Variants in MYH6 observed in about 807,000 individuals in gnomAD.
MYH6 encodes the protein myosin-6.
MYH6 carries 126 observed loss-of-function variants against 223.2 expected under a neutral mutation model. The observed-to-expected ratio is 0.56, with a 90% CI of 0.49 to 0.65. MYH6 has a LOEUF of 0.65. MYH6 is among the 30% of genes least tolerant of loss of function. The probability of loss-of-function intolerance (pLI) is 0.00; values close to 1 mark genes in which losing one functional copy is unlikely to be tolerated. For synonymous variants in MYH6, 978 were observed against 1,010.2 expected (o/e 0.97, Z 0.61); for missense variants, 2,040 against 2,536.4 (o/e 0.80, Z 4.20).
chr14:23,403,559 C>A, intron 9 of MYH6, 113 bp from the exon 10 acceptor site: 1 of 1,172,228 alleles, frequency 8.5e-7, no homozygotes, highest in Admixed American at 1.7e-5. Flanking sequence ...TGAAGAGGGC[C>A]AGGCGAGAAG....
chr14:23,389,778 G>A lies in MYH6; in HGVS notation c.3733-59C>T, dbSNP rs28730769. The A allele has an allele frequency of 2.7e-3, 4,414 of 1,613,640 alleles. 129 individuals carry two copies. The African/African-American group carries it at 0.053, about 19-fold the overall frequency. ...GAGGGGCTGAGTCGACCAGAGGAAG[G>A]AAGAGAGGGTCAGAGATGGGGAATG... On this transcript the variant is annotated intron_variant, in intron 26 of 38. Transcript: ENST00000405093.
At position 23,393,408 on chromosome 14, in the gene MYH6, C is replaced by T. The variant is rs1891296600; in HGVS notation, c.3039G>A (p.Gln1013=). Residue 1013 remains glutamine, a synonymous_variant, in exon 23 of 39, where the codon CAG becomes CAA. Coordinates refer to ENST00000405093, the MANE Select transcript of MYH6 (RefSeq NM_002471.4). The part of the protein sequence containing the change: ...EAHQQALDDL[Q]VEEDKVNSLS... ...GGCTGTTGACCTTGTCTTCCTCAAC[C>T]TGAAGGTCATCCAGGGCCTGCTGAT... The T allele has an allele frequency of 1.9e-6, 3 of 1,614,080 alleles. No homozygotes were observed. Among genetic ancestry groups the T allele is most frequent in the Non-Finnish European group, 1.7e-6 (2 of 1,180,044 alleles).
intron 11 of MYH6, 28 bp downstream of exon 11, chr14:23,402,669 G>A (rs556772493): frequency 1.7e-5 from 28 of 1,613,476 alleles, no homozygotes; most frequent in South Asian, 1.5e-4. Flanking sequence ...GGGGTCCCTC[G>A]AACGGCCGCA....
rs863225267 is a variant in MYH6, at chr14:23,388,273, G to A, written c.4241C>T (p.Ser1414Phe). ...CCGGTGCTTGGTCTTCTCCAGTGAG[G>A]AGCACTTGGCATTAACAGCCTCCAC... ...EAVEAVNAKC[S>F]SLEKTKHRLQ... Residue 1414 changes from serine (S) to phenylalanine (F), a missense_variant, in exon 30 of 39, where the codon TCC (serine) becomes TTC (phenylalanine). Ser to Phe is a radical substitution (Grantham distance 155). Around this residue, in one of 4 missense-constraint regions of MYH6, gnomAD observed 1,203 missense variants for 1,400.2 expected, o/e 0.86. Transcript: ENST00000405093. 8 of 1,613,142 alleles carry A rather than the reference G, an allele frequency of 5.0e-6. No individual in the cohort carries two copies. The highest frequency in any genetic ancestry group is 6.8e-6 in the Non-Finnish European group (8 of 1,180,030).
Position 23,386,341 on chromosome 14 carries a change from C to G in MYH6, c.4933G>C (p.Val1645Leu). 1.2e-6 allele frequency: 2 copies of G among 1,614,126 alleles called. No homozygotes were observed. Among genetic ancestry groups the G allele is most frequent in the Non-Finnish European group, 1.7e-6 (2 of 1,180,010 alleles). ...TTCAGCAAGCTCTGGAGGCTCTTGACTTGCTTCTGGGCCTCGGCAGCCATG... is the reference window on the plus strand; with the variant it reads ...TTCAGCAAGCTCTGGAGGCTCTTGAGTTGCTTCTGGGCCTCGGCAGCCATG... ...NRMAAEAQKQ[V>L]KSLQSLLKDT... Residue 1645 changes from valine (V) to leucine (L), a missense_variant, in exon 33 of 39, where the codon GTC becomes CTC. Physicochemically the swap from Val to Leu is conservative, Grantham distance 32. Transcript: ENST00000405093.
At chr14:23,404,216 C>G (rs1458194890) in intron 8 of MYH6, 80 bp downstream of exon 8, 6 of 1,481,466 alleles carry the variant, frequency 4.1e-6, no homozygotes, top group Non-Finnish European at 5.7e-6. Flanking sequence ...ACAGTACAAT[C>G]AACTGGGTGT....
At chr14:23,393,576 A>T (rs574444606) in intron 22 of MYH6, 58 bp from the exon 23 acceptor site, 1 of 1,614,018 alleles carries the variant, frequency 6.2e-7, no homozygotes, top group Non-Finnish European at 8.5e-7. Context: ...GGAGACATCT[A>T]TGGGGACCTC....
intron 19 of MYH6, 99 bp downstream of exon 19, chr14:23,396,595 T>C (rs1891402830): frequency 1.2e-5 from 20 of 1,605,338 alleles, no homozygotes; most frequent in Non-Finnish European, 1.7e-5. Context: ...ATAAGGTTGA[T>C]AAGGAAGCCA....
At chr14:23,403,294 C>A in intron 10 of MYH6, 54 bp downstream of exon 10, 1 of 1,446,174 alleles carries the variant, frequency 6.9e-7, no homozygotes, top group Non-Finnish European at 9.7e-7. Context: ...ATGCAGGAGT[C>A]GTTGGGGTGT....
At chr14:23,387,462 C>A in intron 32 of MYH6, 67 bp downstream of exon 32, 1 of 1,605,742 alleles carries the variant, frequency 6.2e-7, no homozygotes. Context: ...GGGTCACCCC[C>A]AGGTGAGGGA....
At position 23,392,607 on chromosome 14, in the gene MYH6, C is replaced by T. The variant is rs144957142; in HGVS notation, c.3297G>A (p.Glu1099=). Residue 1099 remains glutamate, a synonymous_variant, in exon 25 of 39, where the codon GAG becomes GAA. Transcript: ENST00000405093. ...TCTGTAGTTGAAGGGCCAGCACCTG[C>T]TCATCCTCAATCTTACTGTTCTGCT... ...INQQNSKIED[E]QVLALQLQKK... The T allele has an allele frequency of 1.7e-4, 270 of 1,607,288 alleles. 2 individuals carry two copies. The African/African-American group carries it at 2.9e-3, about 17-fold the overall frequency.
In MYH6 at chr14:23,407,104, G is replaced by A. The variant is rs775408594; in HGVS notation, c.120C>T (p.Pro40=). ...PFDIRTECFV[P]DDKEEFVKAK... Reference sequence around the variant, plus strand: ...CTTTGACAAACTCTTCCTTGTCATCGGGCACGAAGCACTCAGTGCGAATGT... The same window carrying A: ...CTTTGACAAACTCTTCCTTGTCATCAGGCACGAAGCACTCAGTGCGAATGT... The change falls in exon 3 of 39, where the codon CCC becomes CCT. Residue 40 remains proline, a synonymous_variant. Coordinates refer to ENST00000405093, the MANE Select transcript of MYH6 (RefSeq NM_002471.4). This position sits in a 1 kb window ranked among gnomAD's most constrained non-coding sequence, Gnocchi z 5.6. 8 of 1,614,074 alleles carry A rather than the reference G, an allele frequency of 5.0e-6. No individual in the cohort carries two copies. Among genetic ancestry groups the A allele is most frequent in the South Asian group, 4.4e-5 (4 of 91,080 alleles).
At chr14:23,389,923 G>A in intron 26 of MYH6, 134 bp downstream of exon 26, 5 of 1,564,692 alleles carry the variant, frequency 3.2e-6, no homozygotes, top group Non-Finnish European at 4.4e-6. Context: ...AGAGGGGCAG[G>A]GGAGACAGGA....
chr14:23,388,039 C>T (rs1192473525), intron 30 of MYH6, 116 bp from the exon 31 acceptor site: 28 of 1,606,524 alleles, frequency 1.7e-5, no homozygotes, highest in South Asian at 2.2e-5. Flanking sequence ...TCCCTGGTCC[C>T]GAGCCTGGGC....
In MYH6 at chr14:23,386,840, C is replaced by T. The variant is rs141610943; in HGVS notation, c.4651-217G>A. Among the ~76,000 whole-genome samples, 746 of 152,282 alleles carry T rather than the reference C, an allele frequency of 4.9e-3. 4 individuals carry two copies. Among genetic ancestry groups the T allele is most frequent in the African/African-American group, 0.017 (718 of 41,560 alleles). On this transcript the variant is annotated intron_variant, in intron 32 of 38. Transcript: ENST00000405093. ...CCCCTGTCAAGAAAAGGGTTTGGAC[C>T]TCACAATTGCCAGACCCTCCAGCAC...
At chr14:23,388,565 C>T (rs945693210) in intron 29 of MYH6, 5 of 869,458 alleles carry the variant, frequency 5.8e-6, no homozygotes, top group Non-Finnish European at 1.0e-5. Flanking sequence ...TGCCCTCACC[C>T]CCCACACAGG....
rs747390507 is a variant in MYH6, at chr14:23,384,742, G to T, written c.5290-25C>A. 19 of 1,614,094 alleles carry T rather than the reference G, an allele frequency of 1.2e-5. No homozygotes were observed. The East Asian group carries it at 4.2e-4, about 36-fold the overall frequency. ...CCTGTGTGCAGGAGAGAGGTGGCAAGGAACATGGGCCAGGGGCCGGGGCCT... is the reference window on the plus strand; with the variant it reads ...CCTGTGTGCAGGAGAGAGGTGGCAATGAACATGGGCCAGGGGCCGGGGCCT... On this transcript the variant is annotated intron_variant, in intron 35 of 38. Transcript: ENST00000405093.
intron 1 of MYH6, among the ~76,000 whole-genome samples, chr14:23,408,041 A>G (rs1891840925): frequency 6.6e-6 from 1 of 152,198 alleles, no homozygotes. Context: ...AGAGAAAGAA[A>G]TGGAGAGTCA....
At chr14:23,389,553 A>C in intron 27 of MYH6, 40 bp downstream of exon 27, 1 of 1,614,122 alleles carries the variant, frequency 6.2e-7, no homozygotes, top group Non-Finnish European at 8.5e-7. Context: ...TTCACAAGTC[A>C]TGTCCTGCCC....
Sources: allele counts gnomAD v4.1 joint callset (sites outside exome capture counted in the v4.1 genomes callset), GRCh38; gene constraint gnomAD v4.1.1; regional missense constraint gnomAD v4.1.1; non-coding constraint Gnocchi (gnomAD v3.1); transcripts MANE v1.5; gene names NCBI Gene and HGNC (gene_info 2026-07-23, HGNC 2026-07-21).